NDRG2: variants seen among roughly 807,000 people sequenced by gnomAD.
NDRG2 encodes the protein NDRG family member 2, also known as protein NDRG2.
A neutral mutation model predicts 58.2 loss-of-function variants in NDRG2; 34 were observed. That is an observed-to-expected ratio of 0.58 (90% CI 0.44 to 0.78). The LOEUF (loss-of-function observed/expected upper bound fraction) is 0.78. NDRG2 is among the 30% of genes least tolerant of loss of function. The pLI is 0.00. For synonymous variants in NDRG2, 187 were observed against 175.9 expected (o/e 1.06, Z -0.50); for missense variants, 434 against 471.2 (o/e 0.92, Z 0.73).
upstream of NDRG2, chr14:21,030,781 G>A (rs766406428): frequency 3.7e-6 from 6 of 1,609,886 alleles, no homozygotes; most frequent in African/African-American, 2.7e-5. Context: ...ATGGAGGTGG[G>A]GGTGAGAAGA....
Position 21,022,166 on chromosome 14 carries a change from C to G in NDRG2, c.240G>C (p.Gln80His). 1 of 1,614,164 alleles carries G rather than the reference C, an allele frequency of 6.2e-7. No individual in the cohort carries two copies. Among genetic ancestry groups the G allele is most frequent in the Non-Finnish European group, 8.5e-7 (1 of 1,180,026 alleles). ...DVGLNYKSCF[Q>H]PLFQFEDMQE... ...GCATGTCCTCGAACTGAAACAGTGGCTGGAAGCAAGATTTATCTAAAGAGA... is the reference window on the plus strand; with the variant it reads ...GCATGTCCTCGAACTGAAACAGTGGGTGGAAGCAAGATTTATCTAAAGAGA... Residue 80 changes from glutamine (Q) to histidine (H), a missense_variant, in exon 5 of 16, where the codon CAG becomes CAC. Coordinates refer to ENST00000556147, the MANE Select transcript of NDRG2 (RefSeq NM_001320329.2).
chr14:21,047,667 T>C (rs981689119), intron 1 of NDRG2, among the ~76,000 whole-genome samples: 6 of 152,206 alleles, frequency 3.9e-5, no homozygotes, highest in Non-Finnish European at 7.4e-5. Flanking sequence ...AGGAGGATGG[T>C]GTCCAGGGGA....
At chr14:21,060,053 C>T (rs899182192) in intron 1 of NDRG2, among the ~76,000 whole-genome samples, 1 of 152,194 alleles carries the variant, frequency 6.6e-6, no homozygotes, top group African/African-American at 2.4e-5. Flanking sequence ...TCACACTCAA[C>T]AAGACACCCC....
chr14:21,043,272 G>T, intron 1 of NDRG2: 1 of 1,614,180 alleles, frequency 6.2e-7, no homozygotes, highest in Non-Finnish European at 8.5e-7. Context: ...CAAGAATGGC[G>T]ATAAAAACTG....
chr14:21,069,571 C>G (rs1341060211), intron 1 of NDRG2, among the ~76,000 whole-genome samples: 3 of 152,224 alleles, frequency 2.0e-5, no homozygotes, highest in Non-Finnish European at 4.4e-5. Context: ...ACCCTGCCCC[C>G]TTGGCCAGGA....
chr14:21,030,569 C>T (rs756475174), upstream of NDRG2: 4 of 1,612,590 alleles, frequency 2.5e-6, no homozygotes, highest in East Asian at 4.5e-5. Flanking sequence ...CCCTCCCCGA[C>T]CTCTAGCTGA....
chr14:21,039,494 T>C (rs976576631), intron 1 of NDRG2, among the ~76,000 whole-genome samples: 4 of 152,206 alleles, frequency 2.6e-5, no homozygotes, highest in African/African-American at 7.2e-5. Flanking sequence ...CCTGGCCTGA[T>C]GCCTGAATCT....
In NDRG2 at chr14:21,070,832, A is replaced by C; in HGVS notation, c.20T>G (p.Met7Arg). The C allele has an allele frequency of 6.5e-7, 1 of 1,535,584 alleles. No individual in the cohort carries two copies. Among genetic ancestry groups the C allele is most frequent in the Non-Finnish European group, 8.7e-7 (1 of 1,146,870 alleles). ...CCTCGGGTCATGAGAACTGACCTGC[A>C]TGGAACCACCATTTTCCATCCCTGT... Residue 7 changes from methionine to arginine, a missense_variant, in exon 1 of 15, where the codon ATG becomes AGG. Physicochemically the swap from Met to Arg is moderately conservative, Grantham distance 91 (BLOSUM62 -1). Transcript: ENST00000403829. The surrounding 1 kb of genome is among the most constrained non-coding windows in gnomAD (Gnocchi z 4.7).
intron 1 of NDRG2, among the ~76,000 whole-genome samples, chr14:21,066,899 T>C (rs959397675): frequency 1.3e-5 from 2 of 152,244 alleles, no homozygotes; most frequent in Non-Finnish European, 2.9e-5. Context: ...ACAGATTTTT[T>C]ACCCTAAAAT....
chr14:21,057,618 CATAT>C lies in NDRG2; in HGVS notation c.24+13206_24+13209del, dbSNP rs57420807. ...TAACTTTCCTGAGCCTCATTTTATT[CATAT>C]ATATATATATATATGTGAGAAGGTA... On this transcript the variant is annotated intron_variant, in intron 1 of 14. Transcript: ENST00000403829. 2.7e-4 allele frequency among the ~76,000 whole-genome samples: 33 copies of C among 122,920 alleles called. 1 individual carries two copies. Among genetic ancestry groups the C allele is most frequent in the African/African-American group, 9.7e-4 (29 of 29,894 alleles). 80.6% of individuals were successfully genotyped at this position (122,920 alleles called of 152,430 possible).
In NDRG2 at chr14:21,017,486, G is replaced by C; in HGVS notation, c.*110C>G. 1 of 1,227,798 alleles carries C rather than the reference G, an allele frequency of 8.1e-7. No homozygotes were observed. Among genetic ancestry groups the C allele is most frequent in the East Asian group, 2.6e-5 (1 of 39,214 alleles). 76.1% of individuals were successfully genotyped at this position (1,227,798 alleles called of 1,614,324 possible). A position where few individuals can be genotyped will look rare whatever the true frequency, so the allele number is the denominator to read the frequency against. ...AAAGATCAAGGTCATCTCCCCGCAT[G>C]ATCTGCCCTTTTTCCCTTGCTTACG... On this transcript the variant is annotated 3_prime_UTR_variant, in exon 16 of 16. Transcript: ENST00000556147.
chr14:21,034,136 A>C (rs909333263), intron 1 of NDRG2: 6 of 1,614,200 alleles, frequency 3.7e-6, no homozygotes, highest in Non-Finnish European at 5.1e-6. Flanking sequence ...GACCATTACA[A>C]TAGCCCCGGA....
At chr14:21,047,495 GC>G (rs1436296341) in intron 1 of NDRG2, among the ~76,000 whole-genome samples, 1 of 152,214 alleles carries the variant, frequency 6.6e-6, no homozygotes, top group East Asian at 1.9e-4. Flanking sequence ...TGACTATTCA[GC>G]CTTCCAAAAG....
chr14:21,032,950 T>G, intron 1 of NDRG2: 1 of 456,086 alleles, frequency 2.2e-6, no homozygotes. Flanking sequence ...CAGATGTGGT[T>G]TTAGAAATTT....
chr14:21,052,422 G>A (rs564846420), intron 1 of NDRG2, among the ~76,000 whole-genome samples: 89 of 152,318 alleles, frequency 5.8e-4, no homozygotes, highest in African/African-American at 1.8e-3. Flanking sequence ...GGCAAGGTTC[G>A]TAAATGTGAT....
chr14:21,056,899 C>T (rs1885698844), intron 1 of NDRG2, among the ~76,000 whole-genome samples: 1 of 152,202 alleles, frequency 6.6e-6, no homozygotes, highest in Admixed American at 6.5e-5. Flanking sequence ...CCTTCCAAGA[C>T]ATTCTCCAGC....
At chr14:21,042,829 A>G in intron 1 of NDRG2, 1 of 629,108 alleles carries the variant, frequency 1.6e-6, no homozygotes, top group East Asian at 2.7e-5. Flanking sequence ...GTGGACACAC[A>G]GAAGAAGAGG....
chr14:21,021,756 C>G, intron 6 of NDRG2, 61 bp downstream of exon 6: 2 of 1,556,334 alleles, frequency 1.3e-6, no homozygotes, highest in South Asian at 2.3e-5. Flanking sequence ...CCTGGAAGTT[C>G]TAAGGGTCTC....
At chr14:21,060,949 G>T (rs932174515) in intron 1 of NDRG2, among the ~76,000 whole-genome samples, 1 of 152,162 alleles carries the variant, frequency 6.6e-6, no homozygotes, top group Non-Finnish European at 1.5e-5. Context: ...GGTTCCTAAC[G>T]TGTGCTCAAT....
Sources: gnomAD v4.1 joint callset for allele counts (sites outside exome capture counted in the v4.1 genomes callset) on GRCh38, gnomAD v4.1.1 for gene constraint, Gnocchi (gnomAD v3.1) non-coding constraint, MANE v1.5 for transcripts, NCBI Gene and HGNC (gene_info 2026-07-23, HGNC 2026-07-21) for gene names.